Variants in CENPF observed in about 807,000 individuals in gnomAD.
CENPF encodes AH antigen.
In CENPF, 214 loss-of-function variants were observed where a neutral mutation model predicts 307.3. The observed-to-expected ratio is 0.70, with a 90% CI of 0.62 to 0.78. CENPF has a LOEUF of 0.78. CENPF is among the 30% of genes least tolerant of loss of function. CENPF has a pLI of 0.00. For missense variants in CENPF, 3,401 were observed against 3,483.9 expected (o/e 0.98, Z 0.60); for synonymous variants, 1,259 against 1,270.6 (o/e 0.99, Z 0.19).
intron 8 of CENPF, among the ~76,000 whole-genome samples, 178 bp from the exon 9 acceptor site, chr1:214,630,356 C>G (rs2102547937): frequency 6.6e-6 from 1 of 152,174 alleles, no homozygotes; most frequent in South Asian, 2.1e-4. Flanking sequence ...GATTTGATGC[C>G]TGAGGGCAGC....
intron 7 of CENPF, among the ~76,000 whole-genome samples, chr1:214,627,708 C>CT (rs1232124581): frequency 6.6e-6 from 1 of 152,110 alleles, no homozygotes; most frequent in Non-Finnish European, 1.5e-5. Context: ...TTGTTCTGTG[C>CT]TTTTTGGGTT....
chr1:214,663,066 C>T (rs1658827450), intron 19 of CENPF, among the ~76,000 whole-genome samples: 1 of 152,096 alleles, frequency 6.6e-6, no homozygotes, highest in African/African-American at 2.4e-5. Context: ...TTATTCTTTC[C>T]GGACTTTATT....
chr1:214,658,736 C>T, intron 18 of CENPF, 114 bp from the exon 19 acceptor site: 1 of 1,042,890 alleles, frequency 9.6e-7, no homozygotes, highest in Non-Finnish European at 1.4e-6. Context: ...GTGGCTAGGA[C>T]AAAGTATTTT....
At chr1:214,608,500 A>G in intron 1 of CENPF, 3 of 1,612,184 alleles carry the variant, frequency 1.9e-6, no homozygotes, top group Non-Finnish European at 1.7e-6. Context: ...CGAGAAGAGG[A>G]CCGTGTACCT....
At chr1:214,628,986 T>C in intron 7 of CENPF, 60 bp from the exon 8 acceptor site, 1 of 1,319,692 alleles carries the variant, frequency 7.6e-7, no homozygotes, top group Non-Finnish European at 1.0e-6. Flanking sequence ...AAACACAAAA[T>C]ATTTGTTCAT....
chr1:214,657,723 C>T (rs1658678829), intron 18 of CENPF, among the ~76,000 whole-genome samples: 1 of 152,180 alleles, frequency 6.6e-6, no homozygotes, highest in African/African-American at 2.4e-5. Context: ...ACCCGTTGGT[C>T]ATGTCTGACC....
intron 8 of CENPF, among the ~76,000 whole-genome samples, chr1:214,629,387 A>G (rs1657743674): frequency 6.6e-6 from 1 of 152,202 alleles, no homozygotes; most frequent in African/African-American, 2.4e-5. Flanking sequence ...GGGAATTAGT[A>G]TTCAGAATTC....
Position 214,647,295 on chromosome 1 carries a change from A to G in CENPF, c.7725A>G (p.Lys2575=). ...AGAAGATCCAAGTGCTACAATCCAA[A>G]AATGCCTCTTTGCAGGACACATTAG... ...LEQKIQVLQS[K]NASLQDTLEV... The change falls in exon 13 of 20, where the codon AAA becomes AAG. Residue 2575 remains lysine (K), a synonymous_variant. Transcript: ENST00000366955. 6.2e-7 allele frequency: 1 copy of G among 1,614,120 alleles called. No individual in the cohort carries two copies. The highest frequency in any genetic ancestry group is 8.5e-7 in the Non-Finnish European group (1 of 1,179,972).
chr1:214,625,455 A>C (rs989649626), intron 7 of CENPF, among the ~76,000 whole-genome samples: 1 of 152,092 alleles, frequency 6.6e-6, no homozygotes, highest in Non-Finnish European at 1.5e-5. Flanking sequence ...TCCTGACCTC[A>C]GGTAATCCAC....
At chr1:214,655,597 C>G (rs1658610135) in intron 17 of CENPF, among the ~76,000 whole-genome samples, 194 bp downstream of exon 17, 1 of 151,954 alleles carries the variant, frequency 6.6e-6, no homozygotes, top group East Asian at 1.9e-4. Flanking sequence ...AGAATGAAGC[C>G]TTTTTTTGTT....
chr1:214,622,167 C>T lies in CENPF; in HGVS notation c.954C>T (p.Leu318=), dbSNP rs769736898. Residue 318 remains leucine (L), a synonymous_variant, in exon 7 of 20, where the codon CTC becomes CTT. Coordinates refer to ENST00000366955, the MANE Select transcript of CENPF (RefSeq NM_016343.4). ...MKGQVNKFQE[L]QLQLEKAKVE... is the part of the protein sequence containing the mutation. ...GCCAAGTGAATAAGTTTCAAGAACT[C>T]CAACTCCAACTGGAGAAAGCAAAAG... 1.2e-6 allele frequency: 2 copies of T among 1,613,922 alleles called. No homozygotes were observed. The highest frequency in any genetic ancestry group is 3.3e-5 in the Admixed American group (2 of 60,002).
intron 13 of CENPF, among the ~76,000 whole-genome samples, chr1:214,647,628 C>T (rs1400009097): frequency 6.6e-6 from 1 of 152,132 alleles, no homozygotes; most frequent in African/African-American, 2.4e-5. Flanking sequence ...ATGGATTGGA[C>T]CAGGTTTTTA....
At chr1:214,648,425 A>G (rs2102570388) in intron 13 of CENPF, 13 of 642,816 alleles carry the variant, frequency 2.0e-5, no homozygotes, top group South Asian at 2.0e-4. Context: ...AGACTTAGGG[A>G]TATTATCTTT....
At position 214,624,711 on chromosome 1, in the gene CENPF, A is replaced by G. The variant is rs1203625694; in HGVS notation, c.1068+2430A>G. On this transcript the variant is annotated intron_variant, in intron 7 of 19. Coordinates refer to ENST00000366955, the MANE Select transcript of CENPF (RefSeq NM_016343.4). ...TTCTAAATAATCAGCCCATTGGTTC[A>G]TTGATTTTTTTTTTTCTCTGTTTTC... Among the ~76,000 whole-genome samples, 13 of 149,588 alleles carry G rather than the reference A, an allele frequency of 8.7e-5. No individual in the cohort carries two copies. In the East Asian group the frequency reaches 1.8e-3, roughly 20 times the overall value.
chr1:214,648,725 G>T lies in CENPF; in HGVS notation c.7881G>T (p.Glu2627Asp). ...CTGAGCTGCAGAGGGAAATGCATGA[G>T]ATGGCACAGAAAACAGCAGAGCTGC... ...KETELQREMH[E>D]MAQKTAELQE... The change falls in exon 14 of 20, where the codon GAG becomes GAT. Residue 2627 changes from glutamate (E) to aspartate (D), a missense_variant. Coordinates refer to ENST00000366955, the MANE Select transcript of CENPF (RefSeq NM_016343.4). 1 of 1,614,042 alleles carries T rather than the reference G, an allele frequency of 6.2e-7. No homozygotes were observed. Among genetic ancestry groups the T allele is most frequent in the Non-Finnish European group, 8.5e-7 (1 of 1,179,946 alleles).
Position 214,641,252 on chromosome 1 carries a change from C to G in CENPF, c.2914C>G (p.Leu972Val). 1 of 1,602,700 alleles carries G rather than the reference C, an allele frequency of 6.2e-7. No homozygotes were observed. The highest frequency in any genetic ancestry group is 8.5e-7 in the Non-Finnish European group (1 of 1,177,108). Reference sequence around the variant, plus strand: ...TCTAAATAAAAGGGAAATTGAAGAGCTGACCCAAGAGAATGGGACTCTTAA... The same window carrying G: ...TCTAAATAAAAGGGAAATTGAAGAGGTGACCCAAGAGAATGGGACTCTTAA... ...ISLNKREIEE[L>V]TQENGTLKEI... Residue 972 changes from leucine (L) to valine (V), a missense_variant, in exon 12 of 20, where the codon CTG becomes GTG. Transcript: ENST00000366955.
chr1:214,611,028 C>G (rs1410249579), intron 1 of CENPF, among the ~76,000 whole-genome samples: 2 of 152,012 alleles, frequency 1.3e-5, no homozygotes, highest in African/African-American at 4.8e-5. Flanking sequence ...TATTATGTTC[C>G]ATTGGTCTAT....
chr1:214,630,762 A>G, intron 9 of CENPF, 100 bp downstream of exon 9: 1 of 1,442,158 alleles, frequency 6.9e-7, no homozygotes. Flanking sequence ...TTCAAAGAAA[A>G]AGCGCTCCAC....
chr1:214,658,202 A>G (rs1658694962), intron 18 of CENPF, among the ~76,000 whole-genome samples: 3 of 152,126 alleles, frequency 2.0e-5, no homozygotes, highest in Admixed American at 2.0e-4. Context: ...AACAAAAACA[A>G]ATGCTGCTTT....
Sources: gnomAD v4.1 joint callset for allele counts (sites outside exome capture counted in the v4.1 genomes callset) on GRCh38, gnomAD v4.1.1 for gene constraint, MANE v1.5 for transcripts, NCBI Gene and HGNC (gene_info 2026-07-23, HGNC 2026-07-21) for gene names.